Variants in TWSG1 observed in about 807,000 individuals in gnomAD.
TWSG1 encodes twisted gastrulation protein homolog 1.
TWSG1 carries 15 observed loss-of-function variants against 23.0 expected under a neutral mutation model. The observed-to-expected ratio is 0.65, with a 90% CI of 0.44 to 1.00. The LOEUF is 1.00. Among genes scored for constraint, TWSG1 ranks in the 50% least tolerant of loss-of-function variants. The pLI is 0.00. For synonymous variants in TWSG1, 86 were observed against 92.8 expected, an observed-to-expected ratio of 0.93 and a Z score of 0.42; for missense variants, 242 against 278.7, an observed-to-expected ratio of 0.87 and a Z score of 0.94.
chr18:9,353,228 T>C (rs907298049), intron 2 of TWSG1, among the ~76,000 whole-genome samples: 3 of 18,290 alleles, frequency 1.6e-4, no homozygotes, highest in Non-Finnish European at 5.2e-4. Flanking sequence ...GATGCATTTT[T>C]CAGAATGTAT....
intron 2 of TWSG1, among the ~76,000 whole-genome samples, chr18:9,345,774 A>G (rs2040474125): frequency 2.6e-5 from 4 of 152,148 alleles, no homozygotes; most frequent in Admixed American, 2.6e-4. Context: ...TCAACTTGTC[A>G]ATTTCTGTAA....
In TWSG1 at chr18:9,339,779, G is replaced by C. The variant is rs1187974324; in HGVS notation, c.123+2427G>C. On this transcript the variant is annotated intron_variant, in intron 2 of 4. Coordinates refer to ENST00000262120, the MANE Select transcript of TWSG1 (RefSeq NM_020648.6). ...GATCGTGCGACTGCACTCCCACCTGGGCGACAGAGCAAGACTCTGTCTCAA... is the reference window on the plus strand; with the variant it reads ...GATCGTGCGACTGCACTCCCACCTGCGCGACAGAGCAAGACTCTGTCTCAA... 2.6e-5 allele frequency among the ~76,000 whole-genome samples: 4 copies of C among 151,890 alleles called. No homozygotes were observed. The East Asian group carries it at 7.8e-4, about 30-fold the overall frequency.
intron 3 of TWSG1, among the ~76,000 whole-genome samples, chr18:9,391,048 A>C (rs2040709999): frequency 6.6e-6 from 1 of 152,204 alleles, no homozygotes; most frequent in Non-Finnish European, 1.5e-5. Context: ...GTCAATCCTG[A>C]AACCCTGCAC....
chr18:9,367,305 T>G (rs1470440042), intron 3 of TWSG1, among the ~76,000 whole-genome samples: 2 of 152,206 alleles, frequency 1.3e-5, no homozygotes, highest in Non-Finnish European at 2.9e-5. Context: ...CTTGAATTTA[T>G]TATTTCTATC....
intron 3 of TWSG1, among the ~76,000 whole-genome samples, chr18:9,379,302 G>T (rs2040645478): frequency 6.6e-6 from 1 of 152,056 alleles, no homozygotes; most frequent in Admixed American, 6.6e-5. Flanking sequence ...AAGAAAGAGT[G>T]GTACATACAC....
At chr18:9,392,773 A>T (rs544251697) in intron 3 of TWSG1, among the ~76,000 whole-genome samples, 8 of 152,288 alleles carry the variant, frequency 5.3e-5, no homozygotes, top group Non-Finnish European at 1.2e-4. Flanking sequence ...GCAGACAGAC[A>T]TTTCTAACTT....
chr18:9,341,633 T>A (rs999744759), intron 2 of TWSG1, among the ~76,000 whole-genome samples: 3 of 152,182 alleles, frequency 2.0e-5, no homozygotes, highest in African/African-American at 7.2e-5. Flanking sequence ...TTCCCACTCC[T>A]GCCCTGCCAC....
At chr18:9,349,442 C>T (rs924195676) in intron 2 of TWSG1, among the ~76,000 whole-genome samples, 3 of 152,056 alleles carry the variant, frequency 2.0e-5, no homozygotes, top group South Asian at 2.1e-4. Flanking sequence ...ATTTATTTAG[C>T]TCTTTTATGT....
rs142805431 is a variant in TWSG1 at position 9,388,885 on chromosome 18, A to T, written c.224-7395A>T. On this transcript the variant is annotated intron_variant, in intron 3 of 4. Transcript: ENST00000262120. ...TTCTTTAAAGTCTTCAGTAGATGTTAAATTTAGCTTTTATAACGTTTGAAC... is the reference window on the plus strand; with the variant it reads ...TTCTTTAAAGTCTTCAGTAGATGTTTAATTTAGCTTTTATAACGTTTGAAC... Among the ~76,000 whole-genome samples, 513 of 152,132 alleles carry T rather than the reference A, an allele frequency of 3.4e-3. 2 individuals are homozygous for T. The highest frequency in any genetic ancestry group is 0.012 in the African/African-American group (488 of 41,490).
At chr18:9,335,200 G>A (rs1467501522) in intron 1 of TWSG1, among the ~76,000 whole-genome samples, 2 of 152,160 alleles carry the variant, frequency 1.3e-5, no homozygotes, top group African/African-American at 2.4e-5. Context: ...GCCGGGGTGG[G>A]GGTGGTTCCG....
intron 2 of TWSG1, among the ~76,000 whole-genome samples, chr18:9,346,015 A>G (rs1185797298): frequency 6.6e-6 from 1 of 152,216 alleles, no homozygotes; most frequent in Non-Finnish European, 1.5e-5. Flanking sequence ...GCTTTGCATT[A>G]GCATTAACTC....
intron 3 of TWSG1, among the ~76,000 whole-genome samples, chr18:9,383,201 T>TG (rs558660280): frequency 0.47 from 68,499 of 145,066 alleles, 16,341 homozygotes; most frequent in Middle Eastern, 0.58. Context: ...TTTGTTTTTT[T>TG]TTTTTTTTTT....
intron 2 of TWSG1, among the ~76,000 whole-genome samples, chr18:9,340,036 A>G (rs534705625): frequency 6.6e-6 from 1 of 152,232 alleles, no homozygotes; most frequent in East Asian, 1.9e-4. Context: ...AGTGGACACA[A>G]CTATCCTGGT....
At chr18:9,337,096 C>A in intron 1 of TWSG1, 97 bp from the exon 2 acceptor site, 1 of 1,095,064 alleles carries the variant, frequency 9.1e-7, no homozygotes, top group Admixed American at 2.2e-5. Context: ...TATATTGACA[C>A]AAACAATGAG....
In TWSG1 at chr18:9,401,628, AT is replaced by A. The variant is rs1257788874; in HGVS notation, c.*2107del. The A allele has an allele frequency of 3.9e-5, 6 of 151,982 alleles. No individual in the cohort carries two copies. Among genetic ancestry groups the A allele is most frequent in the African/African-American group, 1.5e-4 (6 of 41,374 alleles). The allele number at this position is 151,982 out of a possible 1,614,324, so 9.4% of individuals were successfully genotyped here. A position where few individuals can be genotyped will look rare whatever the true frequency, so the allele number is the denominator to read the frequency against. On this transcript the variant is annotated 3_prime_UTR_variant, in exon 5 of 5. Coordinates refer to ENST00000262120, the MANE Select transcript of TWSG1 (RefSeq NM_020648.6). ...GATCTTTTGCCTTCAAATTTGGCTTATTTTTTCTGATTTATGAGGGTTTGAA... is the reference window on the plus strand; with the variant it reads ...GATCTTTTGCCTTCAAATTTGGCTTATTTTTCTGATTTATGAGGGTTTGAA...
intron 3 of TWSG1, among the ~76,000 whole-genome samples, chr18:9,362,907 G>A (rs747104125): frequency 2.0e-5 from 3 of 152,256 alleles, no homozygotes; most frequent in African/African-American, 4.8e-5. Context: ...TTTAAGTTAA[G>A]TTAATCTTTC....
chr18:9,387,633 G>A (rs1475321065), intron 3 of TWSG1, among the ~76,000 whole-genome samples: 3 of 152,002 alleles, frequency 2.0e-5, no homozygotes, highest in South Asian at 4.2e-4. Flanking sequence ...AGCTGGATGT[G>A]GTGGCAGGTG....
At chr18:9,380,748 T>C (rs1428070247) in intron 3 of TWSG1, among the ~76,000 whole-genome samples, 4 of 152,210 alleles carry the variant, frequency 2.6e-5, no homozygotes, top group African/African-American at 7.2e-5. Flanking sequence ...GCTTTACACA[T>C]TGAGTCTTCA....
chr18:9,357,112 T>G (rs182904130), intron 2 of TWSG1, among the ~76,000 whole-genome samples: 29 of 152,304 alleles, frequency 1.9e-4, no homozygotes, highest in African/African-American at 7.0e-4. Context: ...CAACTAAGTT[T>G]GAGCCTGTCT....
Sources: gnomAD v4.1 joint callset for allele counts (sites outside exome capture counted in the v4.1 genomes callset) on GRCh38, gnomAD v4.1.1 for gene constraint, MANE v1.5 for transcripts, NCBI Gene and HGNC (gene_info 2026-07-23, HGNC 2026-07-21) for gene names.